EFHB: variants seen among roughly 807,000 people sequenced by gnomAD.
The protein encoded by EFHB is EF-hand domain-containing family member B.
A neutral mutation model predicts 87.2 loss-of-function variants in EFHB; 91 were observed. The observed-to-expected ratio is 1.04, with a 90% confidence interval of 0.88 to 1.24. The LOEUF (loss-of-function observed/expected upper bound fraction) is 1.24. EFHB is among the 50% of genes most tolerant of loss of function. The pLI, the probability that EFHB is intolerant of heterozygous loss-of-function variation, is 0.00. For missense variants in EFHB, 1,084 were observed against 998.8 expected (o/e 1.09, Z -1.15); for synonymous variants, 325 against 333.6 (o/e 0.97, Z 0.28).
chr3:19,899,866 A>G (rs548508731), intron 6 of EFHB, among the ~76,000 whole-genome samples: 8 of 152,214 alleles, frequency 5.3e-5, no homozygotes, highest in African/African-American at 1.9e-4. Context: ...TGAGCTCAGG[A>G]GTTTGAGACT....
intron 10 of EFHB, 124 bp from the exon 11 acceptor site, chr3:19,884,739 C>G: frequency 1.1e-6 from 1 of 877,130 alleles, no homozygotes; most frequent in Non-Finnish European, 1.7e-6. Flanking sequence ...CTGGCATGAC[C>G]CCTCCACTGA....
At chr3:19,931,815 A>T (rs1695841035) in intron 1 of EFHB, among the ~76,000 whole-genome samples, 1 of 152,214 alleles carries the variant, frequency 6.6e-6, no homozygotes, top group Admixed American at 6.5e-5. Flanking sequence ...GTATGACATG[A>T]AGGTAAACAA....
chr3:19,905,626 A>C lies in EFHB; in HGVS notation c.1412T>G (p.Leu471Arg). Residue 471 changes from leucine (L) to arginine (R), a missense_variant, in exon 6 of 13, where the codon CTA becomes CGA. By Grantham distance (102) the Leu-to-Arg change is moderately radical. Transcript: ENST00000295824. ...ACAGTATAATTAAACTTACATTTGT[A>C]GTTCATGGAGCCAATATAGAGATTT... ...MAKSLYWLHE[L>R]QMKRGAKFVS... 1 of 1,613,390 alleles carries C rather than the reference A, an allele frequency of 6.2e-7. No homozygotes were observed. The highest frequency in any genetic ancestry group is 8.5e-7 in the Non-Finnish European group (1 of 1,179,500).
At chr3:19,924,955 A>G (rs1272167058) in intron 1 of EFHB, among the ~76,000 whole-genome samples, 1 of 152,074 alleles carries the variant, frequency 6.6e-6, no homozygotes, top group Admixed American at 6.6e-5. Flanking sequence ...TCTTAAATAG[A>G]GTTAGGATGG....
chr3:19,887,184 C>T (rs1270934816), intron 10 of EFHB, among the ~76,000 whole-genome samples: 1 of 151,970 alleles, frequency 6.6e-6, no homozygotes, highest in African/African-American at 2.4e-5. Context: ...AGTTCGAGAC[C>T]AGCCTGGGCA....
intron 6 of EFHB, among the ~76,000 whole-genome samples, chr3:19,904,839 G>C (rs907943721): frequency 6.6e-6 from 1 of 152,094 alleles, no homozygotes; most frequent in African/African-American, 2.4e-5. Context: ...TATTTACAAC[G>C]TTCAAACCAT....
At chr3:19,883,705 T>C (rs1392880330) in intron 11 of EFHB, among the ~76,000 whole-genome samples, 1 of 152,144 alleles carries the variant, frequency 6.6e-6, no homozygotes, top group Non-Finnish European at 1.5e-5. Context: ...TAACCTAATA[T>C]GGCTAGAGTT....
chr3:19,908,876 A>G (rs887107576), intron 5 of EFHB, among the ~76,000 whole-genome samples: 1 of 152,138 alleles, frequency 6.6e-6, no homozygotes, highest in Non-Finnish European at 1.5e-5. Context: ...GCTCCCTAAA[A>G]GCATGGAGAG....
chr3:19,897,178 T>G (rs1329020583), intron 8 of EFHB, among the ~76,000 whole-genome samples: 1 of 152,244 alleles, frequency 6.6e-6, no homozygotes, highest in Non-Finnish European at 1.5e-5. Flanking sequence ...TTGTCTACAG[T>G]GCTGAGGATC....
At chr3:19,901,480 A>G (rs745408281) in intron 6 of EFHB, among the ~76,000 whole-genome samples, 1 of 152,266 alleles carries the variant, frequency 6.6e-6, no homozygotes, top group Non-Finnish European at 1.5e-5. Flanking sequence ...TGAGCTGAAT[A>G]AATTTCTGGA....
chr3:19,943,208 T>C (rs1189711327), intron 1 of EFHB: 1 of 260,814 alleles, frequency 3.8e-6, no homozygotes. Context: ...CTTGGAGTGA[T>C]TCAATTTCCC....
chr3:19,885,353 G>A (rs950849793), intron 10 of EFHB, among the ~76,000 whole-genome samples: 9 of 152,142 alleles, frequency 5.9e-5, no homozygotes, highest in Admixed American at 5.2e-4. Context: ...ACTGGGGGGA[G>A]CATGCACTAC....
At chr3:19,886,163 T>A (rs894842674) in intron 10 of EFHB, among the ~76,000 whole-genome samples, 5 of 152,188 alleles carry the variant, frequency 3.3e-5, no homozygotes, top group African/African-American at 9.6e-5. Flanking sequence ...GGAAGCTCTG[T>A]CACCCCTGTT....
chr3:19,911,084 C>G (rs1405666362), intron 5 of EFHB, among the ~76,000 whole-genome samples: 4 of 152,130 alleles, frequency 2.6e-5, no homozygotes, highest in East Asian at 3.8e-4. Context: ...GAAAATATGA[C>G]CTCACTAAAT....
intron 8 of EFHB, among the ~76,000 whole-genome samples, chr3:19,898,341 G>A (rs1694553582): frequency 6.6e-6 from 1 of 152,196 alleles, no homozygotes; most frequent in African/African-American, 2.4e-5. Flanking sequence ...TGCAGTTTCT[G>A]ATTCAATAGT....
chr3:19,939,625 C>G (rs1696110241), intron 1 of EFHB, among the ~76,000 whole-genome samples: 2 of 152,056 alleles, frequency 1.3e-5, no homozygotes, highest in Admixed American at 6.5e-5. Context: ...ACCTCGTGAT[C>G]CGCCCGCCTC....
chr3:19,932,448 G>T (rs1030014772), intron 1 of EFHB, among the ~76,000 whole-genome samples: 1 of 152,116 alleles, frequency 6.6e-6, no homozygotes, highest in Non-Finnish European at 1.5e-5. Flanking sequence ...CACCCTGCTG[G>T]CTGAATACAA....
intron 8 of EFHB, among the ~76,000 whole-genome samples, 198 bp downstream of exon 8, chr3:19,898,580 T>C (rs1283959371): frequency 6.6e-6 from 1 of 152,240 alleles, no homozygotes; most frequent in East Asian, 1.9e-4. Flanking sequence ...GGCTTCCAAC[T>C]GTACCTATTT....
intron 1 of EFHB, chr3:19,942,080 C>A (rs1234202797): frequency 6.6e-6 from 1 of 152,160 alleles, no homozygotes; most frequent in African/African-American, 2.4e-5. Flanking sequence ...ATCACTTGAA[C>A]CTGGGAGGCA....
Sources: allele counts gnomAD v4.1 joint callset (sites outside exome capture counted in the v4.1 genomes callset), GRCh38; gene constraint gnomAD v4.1.1; transcripts MANE v1.5; gene names NCBI Gene and HGNC (gene_info 2026-07-23, HGNC 2026-07-21).